Variants in PHIP observed in about 807,000 individuals in gnomAD.
PHIP encodes the protein PHIP subunit of CUL4-Ring ligase complex, also known as PH-interacting protein.
PHIP carries 54 observed loss-of-function variants against 236.8 expected under a neutral mutation model. The observed-to-expected ratio is 0.23, with a 90% CI of 0.18 to 0.29. The LOEUF (loss-of-function observed/expected upper bound fraction) is 0.29, where lower values mean the gene tolerates loss of function less well. Ranked by LOEUF, PHIP falls within the 10% of genes least tolerant of loss-of-function variation. PHIP has a pLI of 1.00. For missense variants in PHIP, 1,370 were observed against 2,190.8 expected, an observed-to-expected ratio of 0.63 and a Z score of 7.48; for synonymous variants, 756 against 718.9, an observed-to-expected ratio of 1.05 and a Z score of -0.83.
rs747676400 is a variant in PHIP at position 78,970,875 on chromosome 6, C to T, written c.2903G>A (p.Arg968Gln). The T allele has an allele frequency of 3.7e-6, 6 of 1,603,796 alleles. No individual in the cohort carries two copies. The highest frequency in any genetic ancestry group is 2.2e-5 in the East Asian group (1 of 44,600). The change falls in exon 25 of 40, where the codon CGA becomes CAA. Residue 968 changes from arginine (R) to glutamine (Q), a missense_variant. Transcript: ENST00000275034. ...TTCGACATAGGCTTCATGTCCTTGT[C>T]GGAAATAATAAACCTAAAAAATAAA... ...PQMGDEVYYF[R>Q]QGHEAYVEMA... is the part of the protein sequence containing the mutation.
Position 78,938,961 on chromosome 6 carries a change from C to T in PHIP, c.*1732G>A, listed in dbSNP as rs1310679953. 4.6e-5 allele frequency: 7 copies of T among 151,658 alleles called. No homozygotes were observed. The South Asian group carries it at 1.2e-3, about 27-fold the overall frequency. 9.4% of individuals were successfully genotyped at this position (151,658 alleles called of 1,614,324 possible). A position where few individuals can be genotyped will look rare whatever the true frequency, so the allele number is the denominator to read the frequency against. ...TTCAATTGCAGACTTTATTTTTCTA[C>T]ATCAGGGTCATGCTGATACATATTT... is the stretch of plus-strand genomic sequence containing the variant. On this transcript the variant is annotated 3_prime_UTR_variant, in exon 40 of 40. Coordinates refer to ENST00000275034, the MANE Select transcript of PHIP (RefSeq NM_017934.7).
chr6:79,047,337 TCTTA>T (rs1221402952), intron 6 of PHIP, among the ~76,000 whole-genome samples: 1 of 152,196 alleles, frequency 6.6e-6, no homozygotes, highest in South Asian at 2.1e-4. Context: ...ATAAGTCACT[TCTTA>T]CTTCACACCT....
Position 78,940,648 on chromosome 6 carries a change from C to G in PHIP, c.*45G>C. 3.5e-6 allele frequency: 4 copies of G among 1,139,182 alleles called. No homozygotes were observed. Among genetic ancestry groups the G allele is most frequent in the Non-Finnish European group, 4.7e-6 (4 of 847,666 alleles). The allele number at this position is 1,139,182 out of a possible 1,614,324, so 70.6% of individuals were successfully genotyped here. ...AGCCTTAGTTCTACTTATTCCTTAA[C>G]TGTACCTGCTTTATAGATTTTGAAG... On this transcript the variant is annotated 3_prime_UTR_variant, in exon 40 of 40. Coordinates refer to ENST00000275034, the MANE Select transcript of PHIP (RefSeq NM_017934.7).
intron 9 of PHIP, among the ~76,000 whole-genome samples, chr6:79,022,332 T>C (rs113729292): frequency 0.022 from 3,339 of 152,304 alleles, 122 homozygotes; most frequent in African/African-American, 0.076. Context: ...TTAGTATTTT[T>C]ATTAGGTTCA....
At chr6:78,970,540 T>G (rs1162963152) in intron 25 of PHIP, among the ~76,000 whole-genome samples, 1 of 152,142 alleles carries the variant, frequency 6.6e-6, no homozygotes, top group African/African-American at 2.4e-5. Context: ...ATTACCTAAT[T>G]TTCACTATAA....
chr6:79,017,006 T>G (rs1452418310), intron 12 of PHIP, among the ~76,000 whole-genome samples: 2 of 151,936 alleles, frequency 1.3e-5, no homozygotes, highest in Non-Finnish European at 2.9e-5. Context: ...ATGGGAAAAT[T>G]TATACAATAT....
intron 15 of PHIP, among the ~76,000 whole-genome samples, chr6:79,012,920 T>G (rs1281524164): frequency 6.6e-6 from 1 of 151,682 alleles, no homozygotes; most frequent in Admixed American, 6.6e-5. Context: ...AAAGATCCAC[T>G]CAGATTTATT....
chr6:78,985,451 C>CT, intron 21 of PHIP, 23 bp from the exon 22 acceptor site: 1 of 1,145,610 alleles, frequency 8.7e-7, no homozygotes, highest in Non-Finnish European at 1.3e-6. Flanking sequence ...GAATACATGT[C>CT]TTATTGCATA....
At position 78,934,844 on chromosome 6, in the gene PHIP, G is replaced by GTGCT. The variant is rs1773208046; in HGVS notation, c.*5848_*5849insAGCA. Among the ~76,000 whole-genome samples, 1 of 152,148 alleles carries GTGCT rather than the reference G, an allele frequency of 6.6e-6. No individual in the cohort carries two copies. Among genetic ancestry groups the GTGCT allele is most frequent in the South Asian group, 2.1e-4 (1 of 4,826 alleles). The stretch of plus-strand genomic sequence containing the variant: ...GTCAAATTCCCATTTCCCAACTCCA[G>GTGCT]GCCAGTTCATTACACTGTGCTGCCA... On this transcript the variant is annotated 3_prime_UTR_variant, in exon 40 of 40. Coordinates refer to ENST00000275034, the MANE Select transcript of PHIP (RefSeq NM_017934.7).
At chr6:79,035,464 A>G (rs1004464321) in intron 7 of PHIP, among the ~76,000 whole-genome samples, 3 of 152,212 alleles carry the variant, frequency 2.0e-5, no homozygotes, top group Non-Finnish European at 2.9e-5. Flanking sequence ...CTATGTACCT[A>G]AAAGAGAGGC....
In PHIP at chr6:79,015,395, C is replaced by T. The variant is rs147557728; in HGVS notation, c.1390-179G>A. Among the ~76,000 whole-genome samples, 96 of 151,668 alleles carry T rather than the reference C, an allele frequency of 6.3e-4. 1 individual carries two copies. The South Asian group carries it at 7.9e-3, about 12-fold the overall frequency. ...AATGAAACTGAGCTAATATCATTGTCCAGGGCTTGGTGGATGGATCTTTTC... is the reference window on the plus strand; with the variant it reads ...AATGAAACTGAGCTAATATCATTGTTCAGGGCTTGGTGGATGGATCTTTTC... On this transcript the variant is annotated intron_variant, in intron 14 of 39. Transcript: ENST00000275034.
At chr6:78,945,969 A>G (rs1773789373) in intron 38 of PHIP, 32 bp downstream of exon 38, 2 of 1,502,228 alleles carry the variant, frequency 1.3e-6, no homozygotes, top group Non-Finnish European at 1.8e-6. Context: ...GAAAATCATC[A>G]TATACATTTC....
rs192112810 is a variant in PHIP at position 79,044,757 on chromosome 6, G to A, written c.440-1754C>T. Among the ~76,000 whole-genome samples, 30 of 152,196 alleles carry A rather than the reference G, an allele frequency of 2.0e-4. No homozygotes were observed. In the East Asian group the frequency reaches 5.8e-3, roughly 29 times the overall value. ...AATAATATATCAAGACCCATTTCTC[G>A]ATGATTAAGCATTAGTATATAGGTA... On this transcript the variant is annotated intron_variant, in intron 6 of 39. Transcript: ENST00000275034.
chr6:78,966,146 T>C, intron 27 of PHIP, 90 bp from the exon 28 acceptor site: 1 of 769,234 alleles, frequency 1.3e-6, no homozygotes, highest in Non-Finnish European at 2.3e-6. Context: ...GTACCTAAAC[T>C]GCCTGTATGA....
intron 21 of PHIP, among the ~76,000 whole-genome samples, chr6:78,987,721 A>G (rs995382825): frequency 1.3e-5 from 2 of 152,206 alleles, no homozygotes; most frequent in African/African-American, 4.8e-5. Flanking sequence ...AAGGACAGTA[A>G]TATTTACTGA....
intron 35 of PHIP, among the ~76,000 whole-genome samples, chr6:78,954,308 G>T (rs570107015): frequency 6.6e-6 from 1 of 151,522 alleles, no homozygotes; most frequent in Non-Finnish European, 1.5e-5. Context: ...GGATTTCACC[G>T]TGTTAGCCAG....
chr6:79,076,621 A>G (rs754327637), intron 4 of PHIP, among the ~76,000 whole-genome samples: 1 of 152,226 alleles, frequency 6.6e-6, no homozygotes. Context: ...ATTAAACAAA[A>G]TATGTCCCAA....
intron 18 of PHIP, 88 bp downstream of exon 18, chr6:78,998,166 A>G (rs1416298163): frequency 1.9e-5 from 18 of 965,022 alleles, no homozygotes; most frequent in Admixed American, 2.3e-5. Flanking sequence ...CGGATGTACC[A>G]TAATTTTTTT....
intron 4 of PHIP, 33 bp downstream of exon 4, chr6:79,077,415 A>T: frequency 1.3e-6 from 2 of 1,559,530 alleles, no homozygotes; most frequent in South Asian, 1.1e-5. Context: ...ACTCAGGGAA[A>T]AGTTTCTTTG....
Sources: allele counts gnomAD v4.1 joint callset (sites outside exome capture counted in the v4.1 genomes callset), GRCh38; gene constraint gnomAD v4.1.1; transcripts MANE v1.5; gene names NCBI Gene and HGNC (gene_info 2026-07-23, HGNC 2026-07-21).